Variants in STXBP4 observed in about 807,000 individuals in gnomAD.
The protein encoded by STXBP4 is syntaxin binding protein 4.
STXBP4 carries 55 observed loss-of-function variants against 76.1 expected under a neutral mutation model. That is an observed-to-expected ratio of 0.72 (90% confidence interval 0.58 to 0.91). STXBP4 has a LOEUF of 0.91. STXBP4 is among the 40% of genes least tolerant of loss of function. STXBP4 has a pLI of 0.00. For missense variants in STXBP4, 618 were observed against 636.9 expected (o/e 0.97, Z 0.32); for synonymous variants, 201 against 220.2 (o/e 0.91, Z 0.77).
rs959514971 is a variant in STXBP4 at position 55,144,074 on chromosome 17, T to G, written c.1547+2707T>G. Among the ~76,000 whole-genome samples the G allele has an allele frequency of 5.9e-5, 9 of 151,362 alleles. No homozygotes were observed. The South Asian group carries it at 1.9e-3, about 32-fold the overall frequency. On this transcript the variant is annotated intron_variant, in intron 17 of 17. Transcript: ENST00000376352. Reference sequence around the variant, plus strand: ...ACGCCTCACCACCTCTGTATCCTCATGTTAATATAGTATGTTGACATGTGA... The same window carrying G: ...ACGCCTCACCACCTCTGTATCCTCAGGTTAATATAGTATGTTGACATGTGA...
intron 8 of STXBP4, among the ~76,000 whole-genome samples, chr17:55,018,973 AT>A (rs899904121): frequency 1.8e-4 from 28 of 152,232 alleles, no homozygotes; most frequent in African/African-American, 5.8e-4. Context: ...TGTTGCTAAA[AT>A]TTTTGCTTCT....
chr17:55,127,423 C>T (rs184934051), intron 16 of STXBP4, among the ~76,000 whole-genome samples: 1 of 152,166 alleles, frequency 6.6e-6, no homozygotes, highest in Admixed American at 6.5e-5. Context: ...ATGTGACTTT[C>T]TGGGGATGCA....
At chr17:55,135,301 A>T (rs1009671773) in intron 16 of STXBP4, among the ~76,000 whole-genome samples, 2 of 152,258 alleles carry the variant, frequency 1.3e-5, no homozygotes, top group East Asian at 3.9e-4. Flanking sequence ...TTACGTTAAC[A>T]TTTTAACTTT....
At chr17:55,086,669 G>A (rs1048748523) in intron 16 of STXBP4, among the ~76,000 whole-genome samples, 1 of 151,992 alleles carries the variant, frequency 6.6e-6, no homozygotes, top group Non-Finnish European at 1.5e-5. Flanking sequence ...CCATTCGTCT[G>A]TTGTTGCACA....
chr17:55,057,801 G>A (rs532262976), intron 12 of STXBP4, among the ~76,000 whole-genome samples: 7 of 152,284 alleles, frequency 4.6e-5, no homozygotes, highest in Non-Finnish European at 2.9e-5. Flanking sequence ...AGAATATGCA[G>A]TATTTGGTTT....
At chr17:54,987,233 GTTA>G (rs2144377421) in intron 3 of STXBP4, among the ~76,000 whole-genome samples, 1 of 152,260 alleles carries the variant, frequency 6.6e-6, no homozygotes, top group Non-Finnish European at 1.5e-5. Context: ...AAATCTTGCT[GTTA>G]TTCTAGTCTT....
chr17:55,050,827 C>G (rs1331094884), intron 12 of STXBP4, among the ~76,000 whole-genome samples: 1 of 151,932 alleles, frequency 6.6e-6, no homozygotes, highest in Non-Finnish European at 1.5e-5. Context: ...ACCACCATGC[C>G]CAGCTAATTT....
In STXBP4 at chr17:55,043,305, A is replaced by G; in HGVS notation, c.925A>G (p.Lys309Glu). The G allele has an allele frequency of 6.6e-7, 1 of 1,526,696 alleles. No homozygotes were observed. The highest frequency in any genetic ancestry group is 8.8e-7 in the Non-Finnish European group (1 of 1,137,210). The allele number at this position is 1,526,696 out of a possible 1,614,324, so 94.6% of individuals were successfully genotyped here. Residue 309 changes from lysine (K) to glutamate (E), a missense_variant, in exon 11 of 18, where the codon AAA becomes GAA. Physicochemically the swap from Lys to Glu is moderately conservative, Grantham distance 56 (BLOSUM62 1). Transcript: ENST00000376352. Reference protein sequence around the residue: ...RLKCERDDALKEVNTLKEKLL... With the variant: ...RLKCERDDALEEVNTLKEKLL... ...CAAGTGTGAAAGAGATGATGCCTTG[A>G]AAGAAGTAAATACACTTAAGGTAAC...
chr17:55,208,623 A>G, the STXBP4 span, among the ~76,000 whole-genome samples: 1 of 150,874 alleles, frequency 6.6e-6, no homozygotes, highest in Non-Finnish European at 1.5e-5. Context: ...AGAGGGAGGG[A>G]GGGAAAGGAG....
chr17:55,085,214 G>A (rs1352638632), intron 16 of STXBP4, among the ~76,000 whole-genome samples: 1 of 152,070 alleles, frequency 6.6e-6, no homozygotes, highest in Non-Finnish European at 1.5e-5. Context: ...GTTGTGGGGT[G>A]GGTGGAGGGG....
At chr17:54,992,349 C>G (rs535790219) in intron 4 of STXBP4, among the ~76,000 whole-genome samples, 2 of 148,722 alleles carry the variant, frequency 1.3e-5, no homozygotes, top group Non-Finnish European at 3.0e-5. Flanking sequence ...CCCCGAAGAT[C>G]AAGAGCAGTG....
In STXBP4 at chr17:54,986,183, A is replaced by G. The variant is rs1279243469; in HGVS notation, c.-37A>G. 1 of 1,541,562 alleles carries G rather than the reference A, an allele frequency of 6.5e-7. No individual in the cohort carries two copies. Among genetic ancestry groups the G allele is most frequent in the East Asian group, 2.3e-5 (1 of 44,142 alleles). ...AGACTCTTCATCAAGATCTTCATTT[A>G]TACAGCTGTTAAATCCAAGGCTACT... is the stretch of plus-strand genomic sequence containing the variant. On this transcript the variant is annotated 5_prime_UTR_variant, in exon 3 of 18. Coordinates refer to ENST00000376352, the MANE Select transcript of STXBP4 (RefSeq NM_178509.6).
At chr17:55,148,046 C>T (rs936708860) in intron 17 of STXBP4, among the ~76,000 whole-genome samples, 1 of 152,176 alleles carries the variant, frequency 6.6e-6, no homozygotes, top group Non-Finnish European at 1.5e-5. Context: ...GAGAACACCC[C>T]TACCCCAAAT....
intron 17 of STXBP4, among the ~76,000 whole-genome samples, chr17:55,154,805 A>G (rs987899317): frequency 2.6e-5 from 4 of 152,158 alleles, no homozygotes; most frequent in Admixed American, 2.6e-4. Context: ...TACATAAGTA[A>G]TATATTACAA....
chr17:55,139,015 T>G (rs2080065628), intron 16 of STXBP4, among the ~76,000 whole-genome samples: 3 of 152,164 alleles, frequency 2.0e-5, no homozygotes, highest in Admixed American at 1.3e-4. Context: ...GAAACACTTA[T>G]TTTCTCAGAA....
At chr17:55,188,373 G>C in the STXBP4 span, among the ~76,000 whole-genome samples, 1 of 152,152 alleles carries the variant, frequency 6.6e-6, no homozygotes. Flanking sequence ...AAGTCATATG[G>C]AGAGCCAGCA....
At chr17:55,060,541 C>T (rs1040168235) in intron 12 of STXBP4, among the ~76,000 whole-genome samples, 1 of 152,060 alleles carries the variant, frequency 6.6e-6, no homozygotes. Flanking sequence ...CATAGATAAC[C>T]TAATTATTAA....
intron 16 of STXBP4, among the ~76,000 whole-genome samples, chr17:55,122,347 G>T (rs2079854561): frequency 6.6e-6 from 1 of 152,196 alleles, no homozygotes; most frequent in East Asian, 1.9e-4. Context: ...AGGGGAAGAT[G>T]AAGTCAGCCA....
intron 8 of STXBP4, among the ~76,000 whole-genome samples, chr17:55,019,512 A>G (rs976635000): frequency 3.3e-5 from 5 of 152,182 alleles, no homozygotes; most frequent in African/African-American, 9.6e-5. Context: ...GTTTAGTCTT[A>G]CAAATTATGA....
Sources: allele counts gnomAD v4.1 joint callset (sites outside exome capture counted in the v4.1 genomes callset), GRCh38; gene constraint gnomAD v4.1.1; transcripts MANE v1.5; gene names NCBI Gene and HGNC (gene_info 2026-07-23, HGNC 2026-07-21).